The following CHAF1A variants were observed in gnomAD, a reference collection of about 807,000 sequenced individuals.
CHAF1A encodes chromatin assembly factor 1 subunit A, also known as CAF-1 subunit A.
In CHAF1A, 5 loss-of-function variants were observed where a neutral mutation model predicts 93.2. The ratio of observed to expected loss-of-function variants is 0.05; its 90% CI spans 0.03 to 0.11. The LOEUF is 0.11. CHAF1A is among the 10% of genes least tolerant of loss of function. CHAF1A has a pLI of 1.00. For synonymous variants in CHAF1A, 504 were observed against 510.3 expected (o/e 0.99, Z 0.17); for missense variants, 1,102 against 1,259.9 (o/e 0.87, Z 1.90).
intron 13 of CHAF1A, among the ~76,000 whole-genome samples, chr19:4,436,309 A>G (rs1974282775): frequency 6.6e-6 from 1 of 152,088 alleles, no homozygotes; most frequent in Non-Finnish European, 1.5e-5. Context: ...TAACATCCCA[A>G]AGGGTCCAGG....
chr19:4,448,477 G>T, downstream of CHAF1A: 1 of 1,379,152 alleles, frequency 7.3e-7, no homozygotes, highest in Non-Finnish European at 1.0e-6. Flanking sequence ...GCCCTCCGCT[G>T]CCCAGGTAAC....
chr19:4,429,299 T>C (rs1974138952), intron 8 of CHAF1A, 139 bp from the exon 9 acceptor site: 1 of 970,944 alleles, frequency 1.0e-6, no homozygotes, highest in Non-Finnish European at 1.5e-6. Flanking sequence ...GACCTTTCTT[T>C]GGGGACAGGC....
At chr19:4,428,531 C>T (rs1055534941) in intron 7 of CHAF1A, 133 bp from the exon 8 acceptor site, 13 of 747,806 alleles carry the variant, frequency 1.7e-5, no homozygotes, top group African/African-American at 3.5e-5. Flanking sequence ...TGGACCCACA[C>T]AGTGCCTGGG....
chr19:4,431,817 C>CT, intron 11 of CHAF1A, 135 bp from the exon 12 acceptor site: 1 of 1,109,664 alleles, frequency 9.0e-7, no homozygotes, highest in Admixed American at 2.4e-5. Context: ...TGCCCTGGCC[C>CT]TGACACTGTG....
In CHAF1A at chr19:4,433,035, C is replaced by G; in HGVS notation, c.2204-35C>G. 1 of 1,481,426 alleles carries G rather than the reference C, an allele frequency of 6.8e-7. No homozygotes were observed. The highest frequency in any genetic ancestry group is 9.1e-7 in the Non-Finnish European group (1 of 1,099,860). The allele number at this position is 1,481,426 out of a possible 1,614,324, so 91.8% of individuals were successfully genotyped here. On this transcript the variant is annotated intron_variant, in intron 12 of 14. Transcript: ENST00000301280. This position sits in a 1 kb window ranked among gnomAD's most constrained non-coding sequence, Gnocchi z 5.6. The stretch of plus-strand genomic sequence containing the variant: ...TGGCCTGTGGTGATGGGTGGCTCCC[C>G]AAGCCTCATGCCCACCCATGTTCCC...
At chr19:4,413,107 C>T (rs1973836839) in intron 3 of CHAF1A, among the ~76,000 whole-genome samples, 1 of 152,100 alleles carries the variant, frequency 6.6e-6, no homozygotes, top group Non-Finnish European at 1.5e-5. Context: ...GAATCTCACT[C>T]TTTTGCCCAG....
In CHAF1A at chr19:4,409,604, A is replaced by G. The variant is rs527960356; in HGVS notation, c.805A>G (p.Ser269Gly). The G allele has an allele frequency of 1.4e-5, 23 of 1,613,910 alleles. No homozygotes were observed. In the South Asian group the frequency reaches 1.5e-4, roughly 11 times the overall value. ...TPQGKNMTPESEVLESFPEED... is the reference protein window; with the variant it reads ...TPQGKNMTPEGEVLESFPEED... ...CCAAGGCAAGAACATGACCCCTGAG[A>G]GTGAGGTGCTGGAATCTTTCCCCGA... The change falls in exon 3 of 15, where the codon AGT (serine) becomes GGT (glycine). Residue 269 changes from serine to glycine, a missense_variant. Ser to Gly is a moderately conservative substitution (Grantham distance 56). Transcript: ENST00000301280.
chr19:4,428,291 C>CTT (rs71166995), intron 7 of CHAF1A, among the ~76,000 whole-genome samples: 6 of 138,132 alleles, frequency 4.3e-5, no homozygotes, highest in Admixed American at 7.2e-5. Flanking sequence ...TGCCCCCGGC[C>CTT]TTTTTTTTTT....
chr19:4,430,916 G>T lies in CHAF1A; in HGVS notation c.1947+275G>T, dbSNP rs1318653893. On this transcript the variant is annotated intron_variant, in intron 11 of 14. Transcript: ENST00000301280. ...GTGGCCATGGTCTGTGGGTTAGAAG[G>T]CTGGAAACCACCCGAGCTGACATAC... 3 of 449,174 alleles carry T rather than the reference G, an allele frequency of 6.7e-6. 1 individual carries two copies. The highest frequency in any genetic ancestry group is 4.8e-5 in the South Asian group (2 of 41,396). The allele number at this position is 449,174 out of a possible 1,614,324, so 27.8% of individuals were successfully genotyped here.
intron 3 of CHAF1A, among the ~76,000 whole-genome samples, chr19:4,415,218 GATA>G (rs1973877370): frequency 6.6e-6 from 1 of 152,140 alleles, no homozygotes; most frequent in Non-Finnish European, 1.5e-5. Context: ...ATTTCAAGAA[GATA>G]AAGTTCTGTC....
intron 7 of CHAF1A, among the ~76,000 whole-genome samples, chr19:4,427,397 A>G (rs780843265): frequency 2.0e-4 from 28 of 138,788 alleles, no homozygotes; most frequent in Middle Eastern, 4.5e-3. Context: ...CAGTGGCACG[A>G]TCTCGGCTCA....
Position 4,422,599 on chromosome 19 carries a change from C to G in CHAF1A, c.1051C>G (p.Arg351Gly). The change falls in exon 5 of 15, where the codon CGT becomes GGT. Residue 351 changes from arginine to glycine, a missense_variant. By Grantham distance (125) the Arg-to-Gly change is moderately radical. Transcript: ENST00000301280. The surrounding 1 kb of genome is among the most constrained non-coding windows in gnomAD (Gnocchi z 4.6). ...GCGTCTGGGCAAGCAGCTCAAGTTA[C>G]GTGCAGAAAGGGAAGAAAAGGAGAA... ...QERLGKQLKL[R>G]AEREEKEKLK... 6.3e-7 allele frequency: 1 copy of G among 1,577,454 alleles called. No homozygotes were observed. Among genetic ancestry groups the G allele is most frequent in the Non-Finnish European group, 8.6e-7 (1 of 1,161,904 alleles).
intron 11 of CHAF1A, 81 bp from the exon 12 acceptor site, chr19:4,431,871 C>CT: frequency 6.6e-7 from 1 of 1,519,928 alleles, no homozygotes; most frequent in Non-Finnish European, 8.9e-7. Context: ...CCCCAGCTGG[C>CT]TGGGGACTGG....
chr19:4,416,167 C>A (rs1248232397), intron 3 of CHAF1A, among the ~76,000 whole-genome samples: 2 of 152,090 alleles, frequency 1.3e-5, no homozygotes, highest in East Asian at 3.9e-4. Context: ...GAGCGAGACT[C>A]CGTCTCAAAA....
At position 4,409,677 on chromosome 19, in the gene CHAF1A, C is replaced by A. The variant is rs1223802563; in HGVS notation, c.878C>A (p.Thr293Asn). Residue 293 changes from threonine (T) to asparagine (N), a missense_variant, in exon 3 of 15, where the codon ACC (threonine) becomes AAC (asparagine). Physicochemically the swap from Thr to Asn is moderately conservative, Grantham distance 65. This residue lies in a region of CHAF1A where 379 missense variants were observed against 365.7 expected (regional missense o/e 1.04). Transcript: ENST00000301280. ...SHSSLSSPSS[T>N]SSPEGPPAPP... is the part of the protein sequence containing the mutation. ...TCGTCCCTGAGCTCTCCCTCTTCCACCAGCTCGCCCGAGGGGCCGCCTGCT... is the reference window on the plus strand; with the variant it reads ...TCGTCCCTGAGCTCTCCCTCTTCCAACAGCTCGCCCGAGGGGCCGCCTGCT... The A allele has an allele frequency of 6.2e-7, 1 of 1,614,210 alleles. No individual in the cohort carries two copies. The highest frequency in any genetic ancestry group is 8.5e-7 in the Non-Finnish European group (1 of 1,180,040).
chr19:4,436,036 G>A (rs1294052088), intron 13 of CHAF1A, among the ~76,000 whole-genome samples: 1 of 152,106 alleles, frequency 6.6e-6, no homozygotes, highest in South Asian at 2.1e-4. Context: ...CTACTCGGGA[G>A]GTTGAGGCAG....
Position 4,433,790 on chromosome 19 carries a change from C to T in CHAF1A, c.2673+251C>T, listed in dbSNP as rs184253108. Among the ~76,000 whole-genome samples, 29 of 151,734 alleles carry T rather than the reference C, an allele frequency of 1.9e-4. No individual in the cohort carries two copies. The highest frequency in any genetic ancestry group is 3.9e-4 in the East Asian group (2 of 5,074). Reference sequence around the variant, plus strand: ...CTAATTTTTGTATTTTTAGTAGAGACGGGGTTTCACCATGTTGGTCAGGCT... The same window carrying T: ...CTAATTTTTGTATTTTTAGTAGAGATGGGGTTTCACCATGTTGGTCAGGCT... On this transcript the variant is annotated intron_variant, in intron 13 of 14. Transcript: ENST00000301280. This position sits in a 1 kb window ranked among gnomAD's most constrained non-coding sequence, Gnocchi z 5.6.
intron 8 of CHAF1A, 74 bp downstream of exon 8, chr19:4,428,964 G>C: frequency 7.9e-7 from 1 of 1,268,526 alleles, no homozygotes; most frequent in Non-Finnish European, 1.1e-6. Flanking sequence ...TGGGGTCCCC[G>C]GGGTGGGAGC....
At chr19:4,403,280 G>C (rs1358045623) in intron 1 of CHAF1A, among the ~76,000 whole-genome samples, 1 of 152,202 alleles carries the variant, frequency 6.6e-6, no homozygotes, top group Non-Finnish European at 1.5e-5. Flanking sequence ...AAGAGGCCCA[G>C]ATGGTAGAGA....
Sources: allele counts gnomAD v4.1 joint callset (sites outside exome capture counted in the v4.1 genomes callset), GRCh38; gene constraint gnomAD v4.1.1; regional missense constraint gnomAD v4.1.1; non-coding constraint Gnocchi (gnomAD v3.1); transcripts MANE v1.5; gene names NCBI Gene and HGNC (gene_info 2026-07-23, HGNC 2026-07-21).